Variants in SLC1A1 observed in about 807,000 individuals in gnomAD.
SLC1A1 encodes excitatory amino acid transporter 3.
A neutral mutation model predicts 53.3 loss-of-function variants in SLC1A1; 43 were observed. The observed-to-expected ratio is 0.81, with a 90% CI of 0.63 to 1.04. The LOEUF is 1.04. Ranked by LOEUF, SLC1A1 falls within the 50% of genes least tolerant of loss-of-function variation. The probability of loss-of-function intolerance (pLI) is 0.00; values close to 1 mark genes in which losing one functional copy is unlikely to be tolerated. For missense variants in SLC1A1, 748 were observed against 664.9 expected (o/e 1.12, Z -1.37); for synonymous variants, 307 against 243.2 (o/e 1.26, Z -2.44).
chr9:4,579,609 C>G (rs1408480052), intron 10 of SLC1A1, among the ~76,000 whole-genome samples: 2 of 152,236 alleles, frequency 1.3e-5, no homozygotes, highest in African/African-American at 4.8e-5. Flanking sequence ...CTGAAAACTA[C>G]TGGCCCAGAG....
At chr9:4,579,172 G>A (rs1018230276) in intron 10 of SLC1A1, among the ~76,000 whole-genome samples, 1 of 152,184 alleles carries the variant, frequency 6.6e-6, no homozygotes, top group African/African-American at 2.4e-5. Context: ...AAGTGTTAGC[G>A]GCTAAAGAAG....
At chr9:4,526,113 T>A (rs960084972) in intron 1 of SLC1A1, among the ~76,000 whole-genome samples, 4 of 152,116 alleles carry the variant, frequency 2.6e-5, no homozygotes, top group Non-Finnish European at 5.9e-5. Context: ...AGTGAGACCC[T>A]GTCTCTACAA....
chr9:4,545,388 T>C (rs902079890), intron 2 of SLC1A1, among the ~76,000 whole-genome samples: 21 of 152,350 alleles, frequency 1.4e-4, no homozygotes, highest in African/African-American at 2.9e-4. Flanking sequence ...TTTTCAAACA[T>C]ATAAACAAAA....
chr9:4,502,055 T>G (rs7030226), intron 1 of SLC1A1, among the ~76,000 whole-genome samples: 3,041 of 151,550 alleles, frequency 0.02, 166 homozygotes, highest in African/African-American at 0.065. Flanking sequence ...CTCAAAGACT[T>G]GTTTTCTGAG....
At chr9:4,498,324 G>A (rs992980133) in intron 1 of SLC1A1, among the ~76,000 whole-genome samples, 6 of 152,154 alleles carry the variant, frequency 3.9e-5, no homozygotes, top group Admixed American at 3.9e-4. Flanking sequence ...TTCTATGTCA[G>A]TATTATTAGA....
chr9:4,523,001 G>A (rs751669788), intron 1 of SLC1A1, among the ~76,000 whole-genome samples: 2 of 152,150 alleles, frequency 1.3e-5, no homozygotes, highest in East Asian at 1.9e-4. Flanking sequence ...GCATTTCCCT[G>A]AAGCACTTGT....
At chr9:4,528,777 C>T (rs1403288845) in intron 1 of SLC1A1, among the ~76,000 whole-genome samples, 1 of 149,322 alleles carries the variant, frequency 6.7e-6, no homozygotes, top group Non-Finnish European at 1.5e-5. Context: ...TATATGCGGC[C>T]TCATCCACTC....
At position 4,576,058 on chromosome 9, in the gene SLC1A1, G is replaced by A. The variant is rs761994896; in HGVS notation, c.933G>A (p.Lys311=). The change falls in exon 9 of 12, where the codon AAG becomes AAA. Residue 311 remains lysine, a synonymous_variant. Transcript: ENST00000262352. ...LPLIYFIVVR[K]NPFRFAMGMA... ...TGATATATTTCATAGTCGTACGAAA[G>A]AACCCTTTCCGATTTGCCATGGGAA... The A allele has an allele frequency of 1.9e-5, 30 of 1,613,716 alleles. No individual in the cohort carries two copies. The South Asian group carries it at 3.3e-4, about 18-fold the overall frequency.
Position 4,539,882 on chromosome 9 carries a change from T to A in SLC1A1, c.92-4685T>A, listed in dbSNP as rs1015056134. On this transcript the variant is annotated intron_variant, in intron 1 of 11. Transcript: ENST00000262352. ...ACTGTACCCGACCTTACCAACTTAC[T>A]TATATTTAGCATAAAAGCTGGAGAA... Among the ~76,000 whole-genome samples, 4 of 152,154 alleles carry A rather than the reference T, an allele frequency of 2.6e-5. No homozygotes were observed. In the South Asian group the frequency reaches 8.3e-4, roughly 31 times the overall value.
At position 4,556,109 on chromosome 9, in the gene SLC1A1, C is replaced by G. The variant is rs1564033075; in HGVS notation, c.233-5340C>G. 6.6e-6 allele frequency among the ~76,000 whole-genome samples: 1 copy of G among 151,978 alleles called. No homozygotes were observed. Among genetic ancestry groups the G allele is most frequent in the Non-Finnish European group, 1.5e-5 (1 of 68,004 alleles). ...GTTCAAGAGATTCTCCTGCCTCAGC[C>G]TCCTGAGTAGCTGGGATTGCAGGTG... On this transcript the variant is annotated intron_variant, in intron 2 of 11. Coordinates refer to ENST00000262352, the MANE Select transcript of SLC1A1 (RefSeq NM_004170.6). This position sits in a 1 kb window ranked among gnomAD's most constrained non-coding sequence, Gnocchi z 4.1.
chr9:4,535,174 T>C (rs1209216929), intron 1 of SLC1A1, among the ~76,000 whole-genome samples: 3 of 151,990 alleles, frequency 2.0e-5, no homozygotes, highest in Admixed American at 6.6e-5. Context: ...CTCTCACCAC[T>C]CCTATTCAAC....
chr9:4,492,374 C>T (rs1820265220), intron 1 of SLC1A1, among the ~76,000 whole-genome samples: 1 of 150,252 alleles, frequency 6.7e-6, no homozygotes. Context: ...CCCAGTTACT[C>T]GGGAGGCTGA....
intron 1 of SLC1A1, among the ~76,000 whole-genome samples, chr9:4,516,251 A>G (rs1304115568): frequency 2.0e-5 from 3 of 152,180 alleles, no homozygotes; most frequent in Admixed American, 6.5e-5. Flanking sequence ...GGGCCTGAAC[A>G]TTTGAACAAC....
In SLC1A1 at chr9:4,564,376, G is replaced by T. The variant is rs1284716536; in HGVS notation, c.358G>T (p.Val120Phe). 6.2e-7 allele frequency: 1 copy of T among 1,613,680 alleles called. No homozygotes were observed. Among genetic ancestry groups the T allele is most frequent in the Non-Finnish European group, 8.5e-7 (1 of 1,179,772 alleles). The change falls in exon 4 of 12, where the codon GTC becomes TTC. Residue 120 changes from valine (V) to phenylalanine (F), a missense_variant. Coordinates refer to ENST00000262352, the MANE Select transcript of SLC1A1 (RefSeq NM_004170.6). ...GCTGGTGGTGAGCATCAAGCCTGGT[G>T]TCACCCAGAAAGTGGGTGAAATTGC... ...IVLVVSIKPG[V>F]TQKVGEIART...
chr9:4,527,507 C>T (rs1045054553), intron 1 of SLC1A1, among the ~76,000 whole-genome samples: 3 of 152,078 alleles, frequency 2.0e-5, no homozygotes. Flanking sequence ...CACATTTTAT[C>T]TGAGTACTAT....
chr9:4,565,018 A>G (rs1819344042), intron 4 of SLC1A1, among the ~76,000 whole-genome samples: 1 of 152,224 alleles, frequency 6.6e-6, no homozygotes, highest in Non-Finnish European at 1.5e-5. Flanking sequence ...CAGCCCTTAT[A>G]AATATATCAT....
chr9:4,577,389 A>T (rs1000742370), intron 10 of SLC1A1, among the ~76,000 whole-genome samples: 1 of 152,250 alleles, frequency 6.6e-6, no homozygotes, highest in Non-Finnish European at 1.5e-5. Context: ...ATGAGGAGGC[A>T]GGGGTCATGT....
intron 1 of SLC1A1, 101 bp downstream of exon 1, chr9:4,490,871 C>A: frequency 2.0e-6 from 2 of 1,004,510 alleles, no homozygotes; most frequent in Non-Finnish European, 3.0e-6. Flanking sequence ...GCACTCCATG[C>A]AGGGTCCCTC....
At chr9:4,563,689 G>A (rs940154245) in intron 3 of SLC1A1, among the ~76,000 whole-genome samples, 5 of 152,160 alleles carry the variant, frequency 3.3e-5, no homozygotes, top group Admixed American at 3.3e-4. Flanking sequence ...TCAAGTGACA[G>A]GAACCCATTA....
Sources: allele counts gnomAD v4.1 joint callset (sites outside exome capture counted in the v4.1 genomes callset), GRCh38; gene constraint gnomAD v4.1.1; non-coding constraint Gnocchi (gnomAD v3.1); transcripts MANE v1.5; gene names NCBI Gene and HGNC (gene_info 2026-07-23, HGNC 2026-07-21).